The following ELMO1 variants were observed in gnomAD, a reference collection of about 807,000 sequenced individuals.
ELMO1 encodes engulfment and cell motility protein 1.
In ELMO1, 26 loss-of-function variants were observed where a neutral mutation model predicts 98.9. That is an observed-to-expected ratio of 0.26 (90% confidence interval 0.19 to 0.36). The LOEUF (loss-of-function observed/expected upper bound fraction) is 0.36, where lower values mean the gene tolerates loss of function less well. Ranked by LOEUF, ELMO1 falls within the 10% of genes least tolerant of loss-of-function variation. The pLI, the probability that ELMO1 is intolerant of heterozygous loss-of-function variation, is 1.00. For missense variants in ELMO1, 627 were observed against 935.2 expected, an observed-to-expected ratio of 0.67 and a Z score of 4.30; for synonymous variants, 346 against 346.0, an observed-to-expected ratio of 1.00 and a Z score of 0.00.
intron 16 of ELMO1, among the ~76,000 whole-genome samples, chr7:36,980,858 A>G (rs1442051079): frequency 6.6e-6 from 1 of 152,178 alleles, no homozygotes; most frequent in Non-Finnish European, 1.5e-5. Context: ...TCTGAGATCC[A>G]ACCCTGCCTA....
In ELMO1 at chr7:36,892,715, C is replaced by T. The variant is rs1026579440; in HGVS notation, c.1601+2139G>A. On this transcript the variant is annotated intron_variant, in intron 17 of 21. Coordinates refer to ENST00000310758, the MANE Select transcript of ELMO1 (RefSeq NM_014800.11). ...GATCACTCTAATAGGCAAAACATAT[C>T]GCAGCTACCCTCTGCCGGCTTCAGA... Among the ~76,000 whole-genome samples the T allele has an allele frequency of 2.6e-5, 4 of 152,282 alleles. No homozygotes were observed. The East Asian group carries it at 5.8e-4, about 22-fold the overall frequency.
intron 13 of ELMO1, among the ~76,000 whole-genome samples, chr7:37,202,282 A>G (rs1056287953): frequency 6.6e-6 from 1 of 152,242 alleles, no homozygotes; most frequent in Non-Finnish European, 1.5e-5. Context: ...AAAAACCTGC[A>G]TTATCTTGTG....
At chr7:36,965,720 C>T (rs1013878738) in intron 16 of ELMO1, among the ~76,000 whole-genome samples, 2 of 152,062 alleles carry the variant, frequency 1.3e-5, no homozygotes, top group Non-Finnish European at 2.9e-5. Flanking sequence ...ATGTTGCAGT[C>T]CATAAAGAAG....
intron 16 of ELMO1, among the ~76,000 whole-genome samples, chr7:37,005,947 T>A (rs1335045294): frequency 6.6e-6 from 1 of 152,130 alleles, no homozygotes; most frequent in Admixed American, 6.5e-5. Flanking sequence ...CGCACAGCCA[T>A]CCTAGCTGTG....
chr7:37,012,186 A>G (rs551737004), intron 16 of ELMO1, among the ~76,000 whole-genome samples: 30 of 152,308 alleles, frequency 2.0e-4, no homozygotes, highest in Non-Finnish European at 7.4e-5. Flanking sequence ...TCAGGTTAGG[A>G]CCTGACTGAA....
chr7:37,430,790 G>C (rs1804902385), intron 1 of ELMO1, among the ~76,000 whole-genome samples: 1 of 152,168 alleles, frequency 6.6e-6, no homozygotes. Context: ...CCACACACTG[G>C]CATCATTTCC....
chr7:36,853,400 T>C lies in ELMO1; in HGVS notation c.*2151A>G, dbSNP rs1369735914. ...GAGATCCTGGTCCAGAAAGTTCCCT[T>C]TTTCATGGATTGGATCTTGTAACCC... On this transcript the variant is annotated 3_prime_UTR_variant, in exon 22 of 22. Coordinates refer to ENST00000310758, the MANE Select transcript of ELMO1 (RefSeq NM_014800.11). 2.0e-5 allele frequency among the ~76,000 whole-genome samples: 3 copies of C among 152,168 alleles called. No homozygotes were observed. The highest frequency in any genetic ancestry group is 2.1e-4 in the South Asian group (1 of 4,820).
chr7:37,228,090 T>C (rs113233177), intron 8 of ELMO1, among the ~76,000 whole-genome samples: 36 of 152,214 alleles, frequency 2.4e-4, no homozygotes, highest in African/African-American at 8.2e-4. Flanking sequence ...GAAACTTAAC[T>C]TCTTTCTTTT....
intron 1 of ELMO1, among the ~76,000 whole-genome samples, chr7:37,365,916 G>T (rs943476857): frequency 1.3e-5 from 2 of 152,168 alleles, no homozygotes; most frequent in Non-Finnish European, 2.9e-5. Flanking sequence ...ATGTATTGTA[G>T]AACCTACTAA....
At position 37,409,650 on chromosome 7, in the gene ELMO1, G is replaced by A. The variant is rs73693569; in HGVS notation, c.-74+39025C>T. Among the ~76,000 whole-genome samples, 1,040 of 152,280 alleles carry A rather than the reference G, an allele frequency of 6.8e-3. 8 individuals are homozygous for A. The highest frequency in any genetic ancestry group is 0.024 in the African/African-American group (979 of 41,548). On this transcript the variant is annotated intron_variant, in intron 1 of 21. Transcript: ENST00000310758. ...ATTCCTCCCACTTGGGACTCTCCAC[G>A]GGCTGTTTGGGCTTCTTCACAGCAT...
Position 36,861,110 on chromosome 7 carries a change from A to G in ELMO1, c.1983+549T>C, listed in dbSNP as rs1320625928. On this transcript the variant is annotated intron_variant, in intron 21 of 21. Transcript: ENST00000310758. ...CTTTATCTTACAAATGCATTTTCCTAGATTTATGCTAAATATTTTAAATAT... is the reference window on the plus strand; with the variant it reads ...CTTTATCTTACAAATGCATTTTCCTGGATTTATGCTAAATATTTTAAATAT... 7.9e-5 allele frequency among the ~76,000 whole-genome samples: 12 copies of G among 152,366 alleles called. No homozygotes were observed. The South Asian group carries it at 2.3e-3, about 29-fold the overall frequency.
At chr7:36,936,325 C>G (rs1049661091) in intron 16 of ELMO1, among the ~76,000 whole-genome samples, 3 of 152,180 alleles carry the variant, frequency 2.0e-5, no homozygotes, top group Non-Finnish European at 4.4e-5. Context: ...AGCAATAAAG[C>G]TGCCACACAG....
At position 37,233,161 on chromosome 7, in the gene ELMO1, G is replaced by C; in HGVS notation, c.483C>G (p.Ala161=). Residue 161 remains alanine (A), a synonymous_variant, in exon 8 of 22, where the codon GCC becomes GCG. Transcript: ENST00000310758. ...FGDMLSFTLT[A]FVELMDHGIV... ...TGCCATGGTCCATCAGCTCAACGAA[G>C]GCCGTCAGGGTGAAGGACAGCATGT... 6.2e-7 allele frequency: 1 copy of C among 1,613,528 alleles called. No individual in the cohort carries two copies. The highest frequency in any genetic ancestry group is 1.3e-5 in the African/African-American group (1 of 74,954).
chr7:36,873,752 A>T (rs1431396546), intron 19 of ELMO1, among the ~76,000 whole-genome samples: 1 of 152,240 alleles, frequency 6.6e-6, no homozygotes, highest in Non-Finnish European at 1.5e-5. Context: ...GACATTCAGG[A>T]AACTCTTTGA....
At chr7:36,886,145 G>A (rs1804990086) in intron 18 of ELMO1, among the ~76,000 whole-genome samples, 1 of 152,194 alleles carries the variant, frequency 6.6e-6, no homozygotes, top group African/African-American at 2.4e-5. Context: ...TCATTCTTCA[G>A]TGGCTGAATG....
At chr7:37,313,862 T>A (rs1799014744) in intron 4 of ELMO1, among the ~76,000 whole-genome samples, 1 of 152,178 alleles carries the variant, frequency 6.6e-6, no homozygotes, top group Admixed American at 6.5e-5. Context: ...TTCTCCCTCC[T>A]TCAAGAGTAC....
At chr7:37,021,441 AG>A (rs1296867807) in intron 15 of ELMO1, among the ~76,000 whole-genome samples, 1 of 152,130 alleles carries the variant, frequency 6.6e-6, no homozygotes, top group Non-Finnish European at 1.5e-5. Context: ...ACATGGAGAG[AG>A]GAAAAAAAAT....
At chr7:37,395,692 C>A (rs1332310974) in intron 1 of ELMO1, among the ~76,000 whole-genome samples, 2 of 151,390 alleles carry the variant, frequency 1.3e-5, no homozygotes, top group South Asian at 2.1e-4. Context: ...TATGGCTCTT[C>A]TTCTCTCTCA....
chr7:37,340,943 C>A (rs1015830478), intron 2 of ELMO1, among the ~76,000 whole-genome samples: 6 of 152,120 alleles, frequency 3.9e-5, no homozygotes, highest in Admixed American at 3.9e-4. Context: ...GGGATGGGAC[C>A]ACTGAAAATA....
Sources: gnomAD v4.1 joint callset for allele counts (sites outside exome capture counted in the v4.1 genomes callset) on GRCh38, gnomAD v4.1.1 for gene constraint, MANE v1.5 for transcripts, NCBI Gene and HGNC (gene_info 2026-07-23, HGNC 2026-07-21) for gene names.